The following FYB1 variants were observed in gnomAD, a reference collection of about 807,000 sequenced individuals.
FYB1 encodes the protein FYN binding protein 1.
In FYB1, 41 loss-of-function variants were observed where a neutral mutation model predicts 94.1. That is an observed-to-expected ratio of 0.44 (90% CI 0.34 to 0.57). The LOEUF is 0.57. FYB1 is among the 20% of genes least tolerant of loss of function. The pLI, the probability that FYB1 is intolerant of heterozygous loss-of-function variation, is 0.02. For synonymous variants in FYB1, 367 were observed against 353.2 expected (o/e 1.04, Z -0.44); for missense variants, 1,050 against 976.8 (o/e 1.07, Z -1.00).
At chr5:39,217,728 A>G (rs906922732) in intron 1 of FYB1, among the ~76,000 whole-genome samples, 5 of 152,168 alleles carry the variant, frequency 3.3e-5, no homozygotes, top group African/African-American at 9.7e-5. Context: ...CCCTGGAACC[A>G]CAGCCCAAAC....
intron 12 of FYB1, among the ~76,000 whole-genome samples, chr5:39,125,629 C>T (rs1274033013): frequency 6.6e-6 from 1 of 152,012 alleles, no homozygotes. Context: ...TGTGAGTTTT[C>T]AGATGTAATG....
chr5:39,192,310 C>A (rs1191158892), intron 2 of FYB1, among the ~76,000 whole-genome samples: 1 of 152,028 alleles, frequency 6.6e-6, no homozygotes, highest in African/African-American at 2.4e-5. Flanking sequence ...ATTATAATTT[C>A]ATTTTAATGC....
intron 2 of FYB1, among the ~76,000 whole-genome samples, chr5:39,189,609 T>C (rs1372131824): frequency 6.6e-6 from 1 of 152,066 alleles, no homozygotes; most frequent in Non-Finnish European, 1.5e-5. Flanking sequence ...TTCTGGCTTT[T>C]ATTTTTTTGC....
At chr5:39,211,341 G>A (rs1256988315) in intron 1 of FYB1, among the ~76,000 whole-genome samples, 3 of 127,206 alleles carry the variant, frequency 2.4e-5, no homozygotes, top group African/African-American at 9.0e-5. Context: ...TTTTTTTTGA[G>A]ACGGAGTCTC....
chr5:39,164,360 C>G (rs2150381797), intron 2 of FYB1, among the ~76,000 whole-genome samples: 1 of 152,154 alleles, frequency 6.6e-6, no homozygotes, highest in East Asian at 1.9e-4. Context: ...ACTATTAAAA[C>G]AAAAGAAATC....
chr5:39,209,246 A>G (rs1212800972), intron 1 of FYB1, among the ~76,000 whole-genome samples: 2 of 152,176 alleles, frequency 1.3e-5, no homozygotes, highest in Non-Finnish European at 2.9e-5. Flanking sequence ...GAGACCCTTC[A>G]CAAGCATCGT....
At chr5:39,107,932 T>C (rs1738675548) in intron 18 of FYB1, among the ~76,000 whole-genome samples, 2 of 152,110 alleles carry the variant, frequency 1.3e-5, no homozygotes, top group Non-Finnish European at 2.9e-5. Flanking sequence ...CCAAAAATGT[T>C]TATTTGCTTG....
intron 6 of FYB1, 150 bp from the exon 7 acceptor site, chr5:39,137,870 T>C: frequency 2.1e-6 from 2 of 972,696 alleles, no homozygotes; most frequent in South Asian, 1.6e-5. Flanking sequence ...ATCCGGAATG[T>C]GTGAGATTAT....
chr5:39,122,001 A>T (rs1185142293), intron 14 of FYB1, among the ~76,000 whole-genome samples: 1 of 152,130 alleles, frequency 6.6e-6, no homozygotes, highest in Non-Finnish European at 1.5e-5. Context: ...AAGATCTTAA[A>T]CATATTTCCC....
intron 11 of FYB1, among the ~76,000 whole-genome samples, 176 bp from the exon 12 acceptor site, chr5:39,126,311 T>C (rs1416752505): frequency 1.3e-5 from 2 of 150,260 alleles, no homozygotes; most frequent in Non-Finnish European, 2.9e-5. Flanking sequence ...ATCATGGTGA[T>C]TGAATACTGC....
upstream of FYB1, among the ~76,000 whole-genome samples, chr5:39,220,279 T>C (rs1333504024): frequency 1.3e-5 from 2 of 151,160 alleles, no homozygotes; most frequent in East Asian, 3.9e-4. Flanking sequence ...AGTGTGATGG[T>C]GCATGCCTGT....
chr5:39,209,164 A>G (rs760633602), intron 1 of FYB1, among the ~76,000 whole-genome samples: 1 of 152,120 alleles, frequency 6.6e-6, no homozygotes. Context: ...ACTCTTTACT[A>G]TTAGAAATTA....
intron 1 of FYB1, among the ~76,000 whole-genome samples, chr5:39,229,699 G>A (rs1421096): frequency 0.014 from 2,088 of 152,258 alleles, 53 homozygotes; most frequent in African/African-American, 0.048. Flanking sequence ...ATATTGCTAA[G>A]GTGATGATTA....
intron 2 of FYB1, among the ~76,000 whole-genome samples, chr5:39,170,489 A>G (rs1201838685): frequency 6.6e-6 from 1 of 152,152 alleles, no homozygotes; most frequent in Non-Finnish European, 1.5e-5. Context: ...CCCTACATCC[A>G]ATACATGAGA....
At chr5:39,172,608 G>A (rs943371607) in intron 2 of FYB1, among the ~76,000 whole-genome samples, 1 of 152,042 alleles carries the variant, frequency 6.6e-6, no homozygotes, top group Admixed American at 6.5e-5. Context: ...CCTCCCTCCT[G>A]TGTCTAGTGG....
chr5:39,156,907 C>T (rs2150366167), intron 2 of FYB1, among the ~76,000 whole-genome samples: 1 of 152,050 alleles, frequency 6.6e-6, no homozygotes, highest in East Asian at 1.9e-4. Context: ...GAATATTGAA[C>T]TATAGTAAAA....
At chr5:39,264,523 T>A (rs1274401908) in intron 1 of FYB1, among the ~76,000 whole-genome samples, 2 of 152,244 alleles carry the variant, frequency 1.3e-5, no homozygotes, top group African/African-American at 4.8e-5. Flanking sequence ...TAAAGCCATC[T>A]CTTGTCACTC....
At chr5:39,199,881 A>G (rs1381779129) in intron 2 of FYB1, among the ~76,000 whole-genome samples, 1 of 152,206 alleles carries the variant, frequency 6.6e-6, no homozygotes, top group Non-Finnish European at 1.5e-5. Context: ...GCTTTTTAAA[A>G]AGGTGAATGC....
At chr5:39,120,213 C>T (rs1341691859) in intron 14 of FYB1, among the ~76,000 whole-genome samples, 3 of 149,294 alleles carry the variant, frequency 2.0e-5, no homozygotes, top group Non-Finnish European at 1.5e-5. Flanking sequence ...TTATCTTCAT[C>T]CCTTTATCAA....
Sources: gnomAD v4.1 joint callset for allele counts (sites outside exome capture counted in the v4.1 genomes callset) on GRCh38, gnomAD v4.1.1 for gene constraint, MANE v1.5 for transcripts, NCBI Gene and HGNC (gene_info 2026-07-23, HGNC 2026-07-21) for gene names.